The following TUBA1C variants were observed in gnomAD, a reference collection of about 807,000 sequenced individuals.
TUBA1C encodes tubulin alpha-1C chain.
TUBA1C carries 16 observed loss-of-function variants against 34.9 expected under a neutral mutation model. The observed-to-expected ratio is 0.46, with a 90% CI of 0.31 to 0.70. The LOEUF is 0.70. TUBA1C is among the 30% of genes least tolerant of loss of function. The pLI, the probability that TUBA1C is intolerant of heterozygous loss-of-function variation, is 0.05. For missense variants in TUBA1C, 329 were observed against 587.3 expected (o/e 0.56, Z 4.55); for synonymous variants, 177 against 215.9 (o/e 0.82, Z 1.58).
At chr12:49,232,566 A>T (rs1056453881) in intron 1 of TUBA1C, among the ~76,000 whole-genome samples, 2 of 152,166 alleles carry the variant, frequency 1.3e-5, no homozygotes, top group African/African-American at 2.4e-5. Flanking sequence ...CTGAATTTTT[A>T]AAAAGGCGCT....
Position 49,273,618 on chromosome 12 carries a change from C to G in TUBA1C, c.*391C>G, listed in dbSNP as rs1262017719. The stretch of plus-strand genomic sequence containing the variant: ...GCCCAGGGTGGTCTTCAACTGGCTT[C>G]AAGTGATCCTCCTGCCTCAACCTCT... On this transcript the variant is annotated 3_prime_UTR_variant, in exon 4 of 4. Transcript: ENST00000301072. The G allele has an allele frequency of 2.1e-5, 6 of 284,842 alleles. No homozygotes were observed. Among genetic ancestry groups the G allele is most frequent in the Non-Finnish European group, 4.1e-5 (6 of 147,410 alleles). The allele number at this position is 284,842 out of a possible 1,614,324, so 17.6% of individuals were successfully genotyped here.
At chr12:49,227,985 T>C in exon 1 of TUBA1C, 1 of 1,535,690 alleles carries the variant, frequency 6.5e-7, no homozygotes, top group South Asian at 1.2e-5. Flanking sequence ...GTGGAGGAGC[T>C]AGGGAGGGAT....
chr12:49,243,443 GA>G (rs572466950), intron 1 of TUBA1C, among the ~76,000 whole-genome samples: 31 of 150,756 alleles, frequency 2.1e-4, no homozygotes, highest in Non-Finnish European at 1.8e-4. Context: ...TCCATCTCCA[GA>G]AAAAAAAAGA....
intron 1 of TUBA1C, among the ~76,000 whole-genome samples, chr12:49,241,980 CTTCT>C (rs1227095039): frequency 4.7e-5 from 7 of 149,406 alleles, no homozygotes; most frequent in South Asian, 2.1e-4. Context: ...AACTTAGAGC[CTTCT>C]TTCTTTCTTT....
chr12:49,235,511 G>C (rs1942544922), intron 1 of TUBA1C, among the ~76,000 whole-genome samples: 1 of 152,054 alleles, frequency 6.6e-6, no homozygotes, highest in Non-Finnish European at 1.5e-5. Flanking sequence ...GAGGCAGGTG[G>C]ATCACCTGAG....
upstream of TUBA1C, among the ~76,000 whole-genome samples, chr12:49,261,183 T>C (rs1229468520): frequency 6.6e-6 from 1 of 151,172 alleles, no homozygotes; most frequent in Non-Finnish European, 1.5e-5. Context: ...TGAGCCAAGA[T>C]AGCGCCATTG....
At chr12:49,237,778 C>A in intron 1 of TUBA1C, among the ~76,000 whole-genome samples, 1 of 143,330 alleles carries the variant, frequency 7.0e-6, no homozygotes, top group African/African-American at 2.6e-5. Flanking sequence ...GGTGGGGAGG[C>A]AGGGAGGAAG....
intron 1 of TUBA1C, among the ~76,000 whole-genome samples, chr12:49,267,587 A>C (rs1011194387): frequency 6.6e-6 from 1 of 152,204 alleles, no homozygotes; most frequent in Non-Finnish European, 1.5e-5. Flanking sequence ...TGAACCTGGA[A>C]GGCGGAGTTT....
At chr12:49,261,242 A>G (rs1046307461), upstream of TUBA1C, among the ~76,000 whole-genome samples, 4 of 152,096 alleles carry the variant, frequency 2.6e-5, no homozygotes, top group African/African-American at 9.7e-5. Flanking sequence ...AAAAAAAAAA[A>G]TGCTTATTGT....
chr12:49,264,833 C>G (rs1248526695), upstream of TUBA1C: 1 of 166,120 alleles, frequency 6.0e-6, no homozygotes, highest in Non-Finnish European at 1.3e-5. Flanking sequence ...CCCCTTCCTC[C>G]CCTTCCTCCC....
At chr12:49,243,279 T>G (rs996322351) in intron 1 of TUBA1C, among the ~76,000 whole-genome samples, 1 of 151,996 alleles carries the variant, frequency 6.6e-6, no homozygotes, top group Non-Finnish European at 1.5e-5. Context: ...AAACCCCATC[T>G]CTACTAAAAA....
upstream of TUBA1C, among the ~76,000 whole-genome samples, chr12:49,262,922 T>C (rs1276333762): frequency 6.6e-6 from 1 of 152,128 alleles, no homozygotes; most frequent in Non-Finnish European, 1.5e-5. Flanking sequence ...TGTTTAACTG[T>C]CTACCCAGGA....
chr12:49,235,437 C>T (rs1346326430), intron 1 of TUBA1C, among the ~76,000 whole-genome samples: 1 of 151,992 alleles, frequency 6.6e-6, no homozygotes, highest in Non-Finnish European at 1.5e-5. Context: ...GACTCGCTGG[C>T]ACCTTGGCTG....
intron 1 of TUBA1C, among the ~76,000 whole-genome samples, chr12:49,231,191 G>T (rs1264665456): frequency 6.6e-6 from 1 of 152,036 alleles, no homozygotes; most frequent in Non-Finnish European, 1.5e-5. Flanking sequence ...TATAGTCAGG[G>T]TCTCATTCTA....
At chr12:49,228,813 G>C (rs1479166534) in intron 1 of TUBA1C, among the ~76,000 whole-genome samples, 1 of 152,156 alleles carries the variant, frequency 6.6e-6, no homozygotes, top group Non-Finnish European at 1.5e-5. Flanking sequence ...CCCCAGGTTT[G>C]GATGGCTTTT....
In TUBA1C at chr12:49,272,447, C is replaced by T; in HGVS notation, c.570C>T (p.Thr190=). 1 of 1,613,150 alleles carries T rather than the reference C, an allele frequency of 6.2e-7. No homozygotes were observed. The highest frequency in any genetic ancestry group is 8.5e-7 in the Non-Finnish European group (1 of 1,179,922). ...TTGAGCCCTACAACTCCATCCTCAC[C>T]ACCCACACCACCCTGGAGCACTCTG... ...AVVEPYNSIL[T]THTTLEHSDC... The change falls in exon 4 of 4, where the codon ACC becomes ACT. Residue 190 remains threonine, a synonymous_variant. Coordinates refer to ENST00000301072, the MANE Select transcript of TUBA1C (RefSeq NM_032704.5).
chr12:49,273,357 G>C lies in TUBA1C; in HGVS notation c.*130G>C. On this transcript the variant is annotated 3_prime_UTR_variant, in exon 4 of 4. Transcript: ENST00000301072. ...AAATGTCGAGCTGACTTAAATACTT[G>C]ATCCAGTTAAAGTTGGATGTATGAG... is the stretch of plus-strand genomic sequence containing the variant. 6.5e-7 allele frequency: 1 copy of C among 1,547,796 alleles called. No homozygotes were observed. The highest frequency in any genetic ancestry group is 8.8e-7 in the Non-Finnish European group (1 of 1,139,624).
chr12:49,249,293 G>T (rs893975639), intron 1 of TUBA1C, among the ~76,000 whole-genome samples: 2 of 152,080 alleles, frequency 1.3e-5, no homozygotes, highest in Non-Finnish European at 2.9e-5. Context: ...CGGGTGTGGT[G>T]GCGCATGCCT....
At chr12:49,248,430 G>T (rs570453085) in intron 1 of TUBA1C, among the ~76,000 whole-genome samples, 1 of 149,222 alleles carries the variant, frequency 6.7e-6, no homozygotes, top group African/African-American at 2.5e-5. Context: ...TTAGCTGGGC[G>T]CGGTGGCGGC....
Sources: gnomAD v4.1 joint callset for allele counts (sites outside exome capture counted in the v4.1 genomes callset) on GRCh38, gnomAD v4.1.1 for gene constraint, MANE v1.5 for transcripts, NCBI Gene and HGNC (gene_info 2026-07-23, HGNC 2026-07-21) for gene names.